Variants in HOMER2 observed in about 807,000 individuals in gnomAD.
HOMER2 encodes homer protein homolog 2.
A neutral mutation model predicts 47.0 loss-of-function variants in HOMER2; 27 were observed. That is an observed-to-expected ratio of 0.57 (90% CI 0.42 to 0.79). The LOEUF (loss-of-function observed/expected upper bound fraction) is 0.79. HOMER2 is among the 30% of genes least tolerant of loss of function. The pLI is 0.00. For synonymous variants in HOMER2, 161 were observed against 163.8 expected, an observed-to-expected ratio of 0.98 and a Z score of 0.13; for missense variants, 443 against 435.0, an observed-to-expected ratio of 1.02 and a Z score of -0.16.
chr15:82,868,185 T>A (rs2052040624), intron 3 of HOMER2, among the ~76,000 whole-genome samples: 1 of 152,016 alleles, frequency 6.6e-6, no homozygotes, highest in Non-Finnish European at 1.5e-5. Context: ...GGTTTTTTTA[T>A]TGTTGTTGTT....
At chr15:82,929,674 A>T (rs1336185241) in intron 1 of HOMER2, among the ~76,000 whole-genome samples, 5 of 151,294 alleles carry the variant, frequency 3.3e-5, no homozygotes, top group East Asian at 3.9e-4. Flanking sequence ...AAAAAAAAAA[A>T]ATCAAAGGAA....
intron 1 of HOMER2, among the ~76,000 whole-genome samples, chr15:82,901,359 G>A (rs1352380539): frequency 2.6e-5 from 4 of 152,154 alleles, no homozygotes. Flanking sequence ...TAAACATTAC[G>A]GCGGCAGGGA....
intron 1 of HOMER2, among the ~76,000 whole-genome samples, chr15:82,941,383 C>T (rs1304698080): frequency 7.5e-6 from 1 of 132,486 alleles, no homozygotes; most frequent in Non-Finnish European, 1.5e-5. Context: ...GCAGAGGCTG[C>T]GGTGAGCCAA....
intron 1 of HOMER2, chr15:82,926,070 A>C (rs1260711978): frequency 6.6e-6 from 1 of 152,266 alleles, no homozygotes; most frequent in African/African-American, 2.4e-5. Context: ...ATTACCAGTA[A>C]GTCCAACCCA....
At chr15:82,947,398 T>C (rs1029911846) in intron 1 of HOMER2, among the ~76,000 whole-genome samples, 12 of 152,210 alleles carry the variant, frequency 7.9e-5, no homozygotes, top group African/African-American at 2.9e-4. Flanking sequence ...CACCTGTACA[T>C]GGCAAGGTAA....
chr15:82,896,624 T>C (rs2052928123), intron 1 of HOMER2, among the ~76,000 whole-genome samples: 2 of 152,216 alleles, frequency 1.3e-5, no homozygotes, highest in Non-Finnish European at 2.9e-5. Context: ...CAGGGCCTCC[T>C]GGCAGCTCCA....
At chr15:82,946,758 C>T (rs907550909) in intron 1 of HOMER2, among the ~76,000 whole-genome samples, 3 of 152,160 alleles carry the variant, frequency 2.0e-5, no homozygotes, top group Non-Finnish European at 4.4e-5. Flanking sequence ...TATTTACACA[C>T]TCATTCAATA....
intron 1 of HOMER2, among the ~76,000 whole-genome samples, chr15:82,905,894 T>A (rs1274283474): frequency 6.6e-6 from 1 of 152,104 alleles, no homozygotes; most frequent in Non-Finnish European, 1.5e-5. Flanking sequence ...AATGAATAAG[T>A]GAAGGTAGCA....
chr15:82,914,178 T>TACACAC (rs58323062), intron 1 of HOMER2, among the ~76,000 whole-genome samples: 2,365 of 116,770 alleles, frequency 0.02, 62 homozygotes, highest in African/African-American at 0.045. Context: ...CTACTAAAAA[T>TACACAC]ACACACACAC....
In HOMER2 at chr15:82,854,818, G is replaced by T; in HGVS notation, c.495-18C>A. Reference sequence around the variant, plus strand: ...TGGCTGCGCTGCAGGACAGGGACGGGCGGTGACGACGGGGTGGGTGCTGTC... The same window carrying T: ...TGGCTGCGCTGCAGGACAGGGACGGTCGGTGACGACGGGGTGGGTGCTGTC... On this transcript the variant is annotated intron_variant, in intron 5 of 8. Transcript: ENST00000450735. 1 of 1,601,578 alleles carries T rather than the reference G, an allele frequency of 6.2e-7. No individual in the cohort carries two copies. The highest frequency in any genetic ancestry group is 8.5e-7 in the Non-Finnish European group (1 of 1,176,846).
At chr15:82,932,410 G>T (rs368361684) in intron 1 of HOMER2, among the ~76,000 whole-genome samples, 5 of 151,842 alleles carry the variant, frequency 3.3e-5, no homozygotes, top group African/African-American at 4.8e-5. Context: ...CAGGAGAATC[G>T]CTTGAACCTG....
intron 2 of HOMER2, among the ~76,000 whole-genome samples, chr15:82,882,458 T>A (rs1020488812): frequency 2.0e-5 from 3 of 152,210 alleles, no homozygotes; most frequent in African/African-American, 7.2e-5. Flanking sequence ...TGGATCCACA[T>A]AATCCCCTAG....
At chr15:82,946,204 C>A (rs971084614) in intron 1 of HOMER2, among the ~76,000 whole-genome samples, 1 of 152,186 alleles carries the variant, frequency 6.6e-6, no homozygotes, top group Non-Finnish European at 1.5e-5. Context: ...GCTCAGCGTC[C>A]CGCTTCAGCA....
chr15:82,852,426 C>T (rs1434186411), intron 6 of HOMER2, 174 bp from the exon 7 acceptor site: 2 of 566,210 alleles, frequency 3.5e-6, no homozygotes, highest in African/African-American at 1.9e-5. Context: ...CATGGGGCTG[C>T]CTGCACCGCT....
chr15:82,945,549 C>T (rs954701078), intron 1 of HOMER2, among the ~76,000 whole-genome samples: 3 of 151,868 alleles, frequency 2.0e-5, no homozygotes, highest in East Asian at 1.9e-4. Flanking sequence ...ATCCCTAAGA[C>T]GTGGGATGAC....
chr15:82,861,013 AAAC>A (rs1018498454), intron 4 of HOMER2, among the ~76,000 whole-genome samples: 10 of 122,090 alleles, frequency 8.2e-5, no homozygotes, highest in East Asian at 4.3e-4. Context: ...AAAGAAAAGA[AAAC>A]AAAAGAAAAA....
chr15:82,917,548 G>A (rs1171673952), intron 1 of HOMER2, among the ~76,000 whole-genome samples: 1 of 152,252 alleles, frequency 6.6e-6, no homozygotes, highest in Non-Finnish European at 1.5e-5. Flanking sequence ...TGCAAGCGGG[G>A]AAGATCCGCC....
chr15:82,924,521 G>A (rs1277016361), intron 1 of HOMER2, among the ~76,000 whole-genome samples: 1 of 152,104 alleles, frequency 6.6e-6, no homozygotes, highest in Admixed American at 6.5e-5. Flanking sequence ...TCCTCAGATT[G>A]ACATGTTTCC....
At chr15:82,908,433 T>C (rs151200555) in intron 1 of HOMER2, among the ~76,000 whole-genome samples, 2 of 152,306 alleles carry the variant, frequency 1.3e-5, no homozygotes, top group Admixed American at 6.5e-5. Flanking sequence ...AAGTGGTTTA[T>C]CTGGTCTTTC....
Sources: allele counts gnomAD v4.1 joint callset (sites outside exome capture counted in the v4.1 genomes callset), GRCh38; gene constraint gnomAD v4.1.1; transcripts MANE v1.5; gene names NCBI Gene and HGNC (gene_info 2026-07-23, HGNC 2026-07-21).